The following SETD2 variants were observed in gnomAD, a reference collection of about 807,000 sequenced individuals.
The protein encoded by SETD2 is histone-lysine N-methyltransferase SETD2.
SETD2 carries 31 observed loss-of-function variants against 242.1 expected under a neutral mutation model. That is an observed-to-expected ratio of 0.13 (90% CI 0.10 to 0.17). The LOEUF is 0.17. Ranked by LOEUF, SETD2 falls within the 10% of genes least tolerant of loss-of-function variation. The probability of loss-of-function intolerance (pLI) is 1.00; values close to 1 mark genes in which losing one functional copy is unlikely to be tolerated. For synonymous variants in SETD2, 1,006 were observed against 1,066.5 expected (o/e 0.94, Z 1.11); for missense variants, 2,481 against 3,046.3 (o/e 0.81, Z 4.37).
rs765813019 is a variant in SETD2 at position 47,122,199 on chromosome 3, C to T, written c.2437G>A (p.Glu813Lys). ...SLCNSEAENI[E>K]PSVMKISSNS... ...GAAGAAATCTTCATAACTGAAGGCT[C>T]AATATTTTCAGCTTCAGAGTTACAC... Residue 813 changes from glutamate (E) to lysine (K), a missense_variant, in exon 3 of 21, where the codon GAG becomes AAG. Glu to Lys is a moderately conservative substitution (Grantham distance 56, BLOSUM62 1). This residue lies in a region of SETD2 where 1,300 missense variants were observed against 1,259.2 expected (regional missense o/e 1.03). Coordinates refer to ENST00000409792, the MANE Select transcript of SETD2 (RefSeq NM_014159.7). The T allele has an allele frequency of 2.5e-6, 4 of 1,614,042 alleles. No individual in the cohort carries two copies. In the East Asian group the frequency reaches 8.9e-5, roughly 36 times the overall value.
At chr3:47,107,660 G>C (rs936460323) in intron 5 of SETD2, among the ~76,000 whole-genome samples, 6 of 147,126 alleles carry the variant, frequency 4.1e-5, no homozygotes, top group Middle Eastern at 3.6e-3. Context: ...TACAATGTTG[G>C]ACTCTCCACT....
intron 12 of SETD2, among the ~76,000 whole-genome samples, chr3:47,069,395 T>C (rs1029521095): frequency 1.3e-5 from 2 of 152,186 alleles, no homozygotes; most frequent in African/African-American, 4.8e-5. Context: ...GCTGTGATTC[T>C]CTACCCTGGT....
chr3:47,042,468 C>T (rs2039324988), intron 17 of SETD2, 93 bp downstream of exon 17: 2 of 1,246,478 alleles, frequency 1.6e-6, no homozygotes, highest in Non-Finnish European at 2.3e-6. Flanking sequence ...AAGCTAATGA[C>T]AAGAAGTTTA....
chr3:47,141,866 A>AT (rs558856503), intron 1 of SETD2, among the ~76,000 whole-genome samples: 1,937 of 151,384 alleles, frequency 0.013, 35 homozygotes, highest in Non-Finnish European at 0.012. Flanking sequence ...GAGTTTAAGC[A>AT]TTTTTTTTTC....
At chr3:47,047,058 T>G (rs2039563981) in intron 15 of SETD2, 1 of 153,294 alleles carries the variant, frequency 6.5e-6, no homozygotes, top group African/African-American at 2.4e-5. Context: ...AACAGGTTGT[T>G]TGGATCAGAA....
Position 47,094,043 on chromosome 3 carries a change from A to G in SETD2, c.5142+3912T>C, listed in dbSNP as rs368086798. Among the ~76,000 whole-genome samples, 4 of 152,228 alleles carry G rather than the reference A, an allele frequency of 2.6e-5. No individual in the cohort carries two copies. The East Asian group carries it at 7.7e-4, about 29-fold the overall frequency. On this transcript the variant is annotated intron_variant, in intron 9 of 20. Coordinates refer to ENST00000409792, the MANE Select transcript of SETD2 (RefSeq NM_014159.7). ...TACACTCATTATGCATATTCTGGATAGTAGTATTCATTTGTTATGAGTTGA... is the reference window on the plus strand; with the variant it reads ...TACACTCATTATGCATATTCTGGATGGTAGTATTCATTTGTTATGAGTTGA...
intron 12 of SETD2, among the ~76,000 whole-genome samples, chr3:47,068,615 GC>G (rs980959170): frequency 8.0e-5 from 12 of 150,336 alleles, no homozygotes; most frequent in Non-Finnish European, 1.3e-4. Flanking sequence ...TCCTGCCTCA[GC>G]CTCCTGAGTA....
chr3:47,118,250 C>T (rs948036055), intron 3 of SETD2, among the ~76,000 whole-genome samples: 1 of 152,270 alleles, frequency 6.6e-6, no homozygotes, highest in South Asian at 2.1e-4. Flanking sequence ...TCAGCAGCAG[C>T]TTTATTTTGT....
chr3:47,163,719 G>A, intron 1 of SETD2, 135 bp downstream of exon 1: 1 of 496,350 alleles, frequency 2.0e-6, no homozygotes. Context: ...GCCTGCTCCC[G>A]ACACCGACCG....
intron 9 of SETD2, among the ~76,000 whole-genome samples, chr3:47,089,311 G>A (rs146183153): frequency 1.3e-5 from 2 of 152,214 alleles, no homozygotes; most frequent in African/African-American, 4.8e-5. Context: ...GCCAGGTGTG[G>A]TAGCATGTGT....
At chr3:47,135,473 A>G (rs1452728747) in intron 1 of SETD2, among the ~76,000 whole-genome samples, 1 of 152,116 alleles carries the variant, frequency 6.6e-6, no homozygotes, top group Admixed American at 6.6e-5. Flanking sequence ...ACAGGGTTTC[A>G]CCATGTTGCC....
chr3:47,083,854 CATT>C lies in SETD2; in HGVS notation c.5923_5925del (p.Asn1975del). Reference sequence around the variant, plus strand: ...TCTTCATCTTGGGATGGTGTTTCTTCATTAATAGGTTCTTCTAGTTTTGTGCCG... The same window carrying C: ...TCTTCATCTTGGGATGGTGTTTCTTCAATAGGTTCTTCTAGTTTTGTGCCG... On this transcript the variant is annotated inframe_deletion, in exon 12 of 21. Coordinates refer to ENST00000409792, the MANE Select transcript of SETD2 (RefSeq NM_014159.7). The C allele has an allele frequency of 6.2e-7, 1 of 1,614,172 alleles. No individual in the cohort carries two copies. Among genetic ancestry groups the C allele is most frequent in the Non-Finnish European group, 8.5e-7 (1 of 1,180,018 alleles).
At chr3:47,048,720 A>G (rs944061780) in intron 15 of SETD2, among the ~76,000 whole-genome samples, 1 of 151,968 alleles carries the variant, frequency 6.6e-6, no homozygotes, top group Non-Finnish European at 1.5e-5. Context: ...CAGGGTGGAG[A>G]GCAGTGGTGC....
rs145246350 is a variant in SETD2, at chr3:47,122,000, A to G, written c.2636T>C (p.Ile879Thr). The change falls in exon 3 of 21, where the codon ATT becomes ACT. Residue 879 changes from isoleucine (I) to threonine (T), a missense_variant. Ile to Thr is a moderately conservative substitution (Grantham distance 89). This residue lies in a region of SETD2 where 1,300 missense variants were observed against 1,259.2 expected (regional missense o/e 1.03). Coordinates refer to ENST00000409792, the MANE Select transcript of SETD2 (RefSeq NM_014159.7). Reference protein sequence around the residue: ...DLYQPIGSSGIASSLQSLPPG... With the variant: ...DLYQPIGSSGTASSLQSLPPG... ...TGGAAGACTCTGAAGAGATGAAGCA[A>G]TACCTGAACTCCCAATAGGTTGATA... 16 of 1,613,960 alleles carry G rather than the reference A, an allele frequency of 9.9e-6. No homozygotes were observed. The highest frequency in any genetic ancestry group is 1.4e-5 in the Non-Finnish European group (16 of 1,179,970).
At chr3:47,066,757 A>G (rs2040573545) in intron 13 of SETD2, among the ~76,000 whole-genome samples, 1 of 148,164 alleles carries the variant, frequency 6.7e-6, no homozygotes, top group Admixed American at 6.8e-5. Flanking sequence ...AAATCACAAT[A>G]ATAAAAGAAA....
rs1349066486 is a variant in SETD2, at chr3:47,150,053, CAG to C, written c.71+13799_71+13800del. On this transcript the variant is annotated intron_variant, in intron 1 of 20. Coordinates refer to ENST00000409792, the MANE Select transcript of SETD2 (RefSeq NM_014159.7). ...CTTTTTTTTTTTTTTTTTTTTGAGA[CAG>C]AGTCTCGCTCTGTTGCCAGGCTGGA... Among the ~76,000 whole-genome samples, 12 of 20,308 alleles carry C rather than the reference CAG, an allele frequency of 5.9e-4. No homozygotes were observed. In the East Asian group the frequency reaches 0.015, roughly 25 times the overall value. The allele number at this position is 20,308 out of a possible 152,430, so 13.3% of individuals were successfully genotyped here. A position where few individuals can be genotyped will look rare whatever the true frequency, so the allele number is the denominator to read the frequency against.
chr3:47,048,427 C>A lies in SETD2; in HGVS notation c.6964-1806G>T, dbSNP rs114460152. The stretch of plus-strand genomic sequence containing the variant: ...TTAAATGGTACACCTGTATAGGGAA[C>A]TAACTATAAACAAAGCTTGCAGGAC... On this transcript the variant is annotated intron_variant, in intron 15 of 20. Coordinates refer to ENST00000409792, the MANE Select transcript of SETD2 (RefSeq NM_014159.7). 2.6e-3 allele frequency among the ~76,000 whole-genome samples: 393 copies of A among 152,106 alleles called. 4 individuals are homozygous for A. Among genetic ancestry groups the A allele is most frequent in the African/African-American group, 9.0e-3 (374 of 41,502 alleles).
At chr3:47,074,566 G>A (rs2040966648) in intron 12 of SETD2, among the ~76,000 whole-genome samples, 1 of 152,108 alleles carries the variant, frequency 6.6e-6, no homozygotes, top group African/African-American at 2.4e-5. Context: ...CTAGTTCACT[G>A]CCTCTATTTA....
At chr3:47,138,120 C>T (rs574922227) in intron 1 of SETD2, among the ~76,000 whole-genome samples, 6 of 148,122 alleles carry the variant, frequency 4.1e-5, no homozygotes, top group South Asian at 2.1e-4. Context: ...TACAGGCGCC[C>T]GCCGCCACGC....
Sources: allele counts gnomAD v4.1 joint callset (sites outside exome capture counted in the v4.1 genomes callset), GRCh38; gene constraint gnomAD v4.1.1; regional missense constraint gnomAD v4.1.1; transcripts MANE v1.5; gene names NCBI Gene and HGNC (gene_info 2026-07-23, HGNC 2026-07-21).